GYG1: variants seen among roughly 807,000 people sequenced by gnomAD.
GYG1 encodes the protein glycogenin 1.
In GYG1, 44 loss-of-function variants were observed where a neutral mutation model predicts 41.9. The observed-to-expected ratio is 1.05, with a 90% confidence interval of 0.83 to 1.35. The LOEUF is 1.35. Ranked by LOEUF, GYG1 falls within the 40% of genes most tolerant of loss-of-function variation. GYG1 has a pLI of 0.00. For synonymous variants in GYG1, 141 were observed against 158.1 expected (o/e 0.89, Z 0.81); for missense variants, 429 against 418.9 (o/e 1.02, Z -0.21).
rs111848296 is a variant in GYG1 at position 148,991,743 on chromosome 3, C to G, written c.7+96C>G. On this transcript the variant is annotated intron_variant, in intron 1 of 7. Transcript: ENST00000345003. Reference sequence around the variant, plus strand: ...CCTCCGCCCTCAGCCCCGGAGTGTTCCCGGCAGGACGAAACCGCCGCAAAG... The same window carrying G: ...CCTCCGCCCTCAGCCCCGGAGTGTTGCCGGCAGGACGAAACCGCCGCAAAG... The G allele has an allele frequency of 6.7e-3, 6,903 of 1,035,472 alleles. 347 individuals are homozygous for G. In the African/African-American group the frequency reaches 0.1, roughly 15 times the overall value. 64.1% of individuals were successfully genotyped at this position (1,035,472 alleles called of 1,614,324 possible).
At chr3:148,996,168 G>A in intron 2 of GYG1, 134 bp from the exon 3 acceptor site, 1 of 734,782 alleles carries the variant, frequency 1.4e-6, no homozygotes, top group East Asian at 2.5e-5. Flanking sequence ...CAGATTTAAG[G>A]GTACATATTC....
At chr3:149,019,761 G>A (rs576542160) in intron 5 of GYG1, among the ~76,000 whole-genome samples, 3 of 152,378 alleles carry the variant, frequency 2.0e-5, no homozygotes, top group African/African-American at 7.2e-5. Context: ...AATGCAGGGT[G>A]TGGATTGTTT....
At position 149,030,947 on chromosome 3, in the gene GYG1, C is replaced by CT. The variant is rs1714965232; in HGVS notation, c.*4016dup. On this transcript the variant is annotated 3_prime_UTR_variant, in exon 8 of 8. Coordinates refer to ENST00000345003, the MANE Select transcript of GYG1 (RefSeq NM_004130.4). ...TTTCTATCAAATGACTTCCAACACT[C>CT]TTAAGTCTCAGGTATTCTTAAATCT... is the stretch of plus-strand genomic sequence containing the variant. 6.6e-6 allele frequency: 1 copy of CT among 152,192 alleles called. No homozygotes were observed. Among genetic ancestry groups the CT allele is most frequent in the Non-Finnish European group, 1.5e-5 (1 of 68,024 alleles). 9.4% of individuals were successfully genotyped at this position (152,192 alleles called of 1,614,324 possible).
chr3:148,992,825 A>G (rs1479537890), intron 1 of GYG1: 1 of 152,222 alleles, frequency 6.6e-6, no homozygotes, highest in Non-Finnish European at 1.5e-5. Flanking sequence ...TGGTCTTCCT[A>G]CAACTTAGTA....
chr3:149,002,638 C>A (rs1713156891), intron 4 of GYG1, among the ~76,000 whole-genome samples: 1 of 152,140 alleles, frequency 6.6e-6, no homozygotes, highest in Admixed American at 6.5e-5. Context: ...AAGAGCTGGG[C>A]TTTCATAAGC....
At chr3:149,011,739 A>T (rs1231848636) in intron 5 of GYG1, among the ~76,000 whole-genome samples, 1 of 152,232 alleles carries the variant, frequency 6.6e-6, no homozygotes, top group African/African-American at 2.4e-5. Context: ...TAAATTACTG[A>T]AACAGGATGG....
chr3:149,010,327 C>CCTT (rs1259991979), intron 5 of GYG1, among the ~76,000 whole-genome samples: 10 of 129,458 alleles, frequency 7.7e-5, no homozygotes, highest in African/African-American at 3.1e-4. Context: ...TGGTGCAGTT[C>CCTT]TTTTTTTTTT....
intron 5 of GYG1, among the ~76,000 whole-genome samples, chr3:149,019,835 C>T (rs867177504): frequency 3.3e-5 from 5 of 152,212 alleles, no homozygotes; most frequent in Admixed American, 6.5e-5. Context: ...GGTATTTAAC[C>T]GGCATGGAGC....
At chr3:148,999,020 A>G (rs767126069) in intron 4 of GYG1, among the ~76,000 whole-genome samples, 3 of 152,234 alleles carry the variant, frequency 2.0e-5, no homozygotes, top group African/African-American at 4.8e-5. Flanking sequence ...AGAGAATCCA[A>G]TTTCTAACCT....
At chr3:149,026,037 C>T (rs116438568) in intron 6 of GYG1, among the ~76,000 whole-genome samples, 5,498 of 152,274 alleles carry the variant, frequency 0.036, 142 homozygotes, top group Non-Finnish European at 0.053. Context: ...AGCTATAATG[C>T]AGTCCTATAC....
chr3:149,004,930 C>T (rs575847632), intron 4 of GYG1, among the ~76,000 whole-genome samples: 2 of 152,316 alleles, frequency 1.3e-5, no homozygotes, highest in South Asian at 2.1e-4. Context: ...GGCAGCCAGC[C>T]AGGGACTTTG....
intron 4 of GYG1, among the ~76,000 whole-genome samples, chr3:149,008,464 G>A (rs1168951358): frequency 6.6e-6 from 1 of 152,168 alleles, no homozygotes; most frequent in East Asian, 1.9e-4. Context: ...TTCTGCCTGG[G>A]ACACGGTCCC....
intron 4 of GYG1, among the ~76,000 whole-genome samples, chr3:149,000,551 C>T (rs1207514645): frequency 6.6e-6 from 1 of 152,308 alleles, no homozygotes; most frequent in Admixed American, 6.5e-5. Flanking sequence ...AGAAATCAAC[C>T]TGAATGCAAG....
At chr3:149,005,323 G>T (rs2107897713) in intron 4 of GYG1, among the ~76,000 whole-genome samples, 1 of 152,020 alleles carries the variant, frequency 6.6e-6, no homozygotes, top group African/African-American at 2.4e-5. Flanking sequence ...AAAAGAGGGG[G>T]GAAGGAACAT....
chr3:149,002,378 A>G (rs1576541620), intron 4 of GYG1, among the ~76,000 whole-genome samples: 1 of 152,370 alleles, frequency 6.6e-6, no homozygotes, highest in South Asian at 2.1e-4. Flanking sequence ...CTGACATTTA[A>G]GCCAAGAATA....
At chr3:149,015,932 G>A (rs1714000247) in intron 5 of GYG1, among the ~76,000 whole-genome samples, 3 of 152,074 alleles carry the variant, frequency 2.0e-5, no homozygotes, top group Admixed American at 2.0e-4. Flanking sequence ...AAAGGGGATG[G>A]CACCTAGAAC....
chr3:148,996,519 T>A (rs748597564), intron 3 of GYG1, 43 bp downstream of exon 3: 1 of 1,513,486 alleles, frequency 6.6e-7, no homozygotes, highest in East Asian at 2.3e-5. Flanking sequence ...CATATATATA[T>A]ATGGTGATGG....
In GYG1 at chr3:149,024,144, G is replaced by A. The variant is rs372805607; in HGVS notation, c.700G>A (p.Glu234Lys). ...TCCCAAAACAAAAAGTGTCAAAAGT[G>A]AGGCCCATGATCCCAACATGACTCA... ...YDPKTKSVKSEAHDPNMTHPE... is the reference protein window; with the variant it reads ...YDPKTKSVKSKAHDPNMTHPE... The change falls in exon 6 of 8, where the codon GAG becomes AAG. Residue 234 changes from glutamate (E) to lysine (K), a missense_variant. By Grantham distance (56) the Glu-to-Lys change is moderately conservative. Transcript: ENST00000345003. 3.7e-5 allele frequency: 59 copies of A among 1,613,644 alleles called. No individual in the cohort carries two copies. Among genetic ancestry groups the A allele is most frequent in the Non-Finnish European group, 4.3e-5 (51 of 1,179,674 alleles).
chr3:149,016,044 C>T (rs911811721), intron 5 of GYG1, among the ~76,000 whole-genome samples: 1 of 151,700 alleles, frequency 6.6e-6, no homozygotes, highest in African/African-American at 2.4e-5. Context: ...AGGCAGATCA[C>T]GAGGTCAGGA....
Sources: allele counts gnomAD v4.1 joint callset (sites outside exome capture counted in the v4.1 genomes callset), GRCh38; gene constraint gnomAD v4.1.1; transcripts MANE v1.5; gene names NCBI Gene and HGNC (gene_info 2026-07-23, HGNC 2026-07-21).